ZNF654: variants seen among roughly 807,000 people sequenced by gnomAD.
The protein encoded by ZNF654 is zinc finger protein 654.
In ZNF654, 19 loss-of-function variants were observed where a neutral mutation model predicts 95.3. The ratio of observed to expected loss-of-function variants is 0.20; its 90% CI spans 0.14 to 0.29. ZNF654 has a LOEUF of 0.29. ZNF654 is among the 10% of genes least tolerant of loss of function. The pLI is 1.00. For missense variants in ZNF654, 1,046 were observed against 1,341.0 expected (o/e 0.78, Z 3.44); for synonymous variants, 413 against 457.9 (o/e 0.90, Z 1.25).
chr3:88,101,356 T>C (rs1488376835), intron 2 of ZNF654, among the ~76,000 whole-genome samples: 1 of 152,156 alleles, frequency 6.6e-6, no homozygotes, highest in Non-Finnish European at 1.5e-5. Flanking sequence ...AGACATTTCA[T>C]ATAAATGATA....
intron 2 of ZNF654, among the ~76,000 whole-genome samples, chr3:88,112,851 T>A (rs1352997721): frequency 6.6e-6 from 1 of 152,038 alleles, no homozygotes; most frequent in Non-Finnish European, 1.5e-5. Context: ...TTGTATTGCA[T>A]TGTGGTCATT....
intron 2 of ZNF654, among the ~76,000 whole-genome samples, chr3:88,101,366 A>G (rs748433570): frequency 1.3e-5 from 2 of 152,170 alleles, no homozygotes; most frequent in Non-Finnish European, 2.9e-5. Flanking sequence ...TATAAATGAT[A>G]TCATAGAATA....
intron 4 of ZNF654, among the ~76,000 whole-genome samples, chr3:88,127,093 A>C (rs1706153240): frequency 6.6e-6 from 1 of 152,214 alleles, no homozygotes; most frequent in African/African-American, 2.4e-5. Context: ...AACAGTGAAT[A>C]AGCACTAAAG....
rs780741381 is a variant in ZNF654, at chr3:88,126,275, T to C, written c.550+6T>C. ...GCCAGCATCTCAGGAGATAGGTACT[T>C]CAGGAGATTCAAAATCAAACCAACA... On this transcript the variant is annotated splice_donor_region_variant and intron_variant, in intron 4 of 8. Coordinates refer to ENST00000636215, the MANE Select transcript of ZNF654 (RefSeq NM_001350134.2). 3.9e-5 allele frequency: 57 copies of C among 1,476,242 alleles called. No homozygotes were observed. Among genetic ancestry groups the C allele is most frequent in the Non-Finnish European group, 4.9e-5 (55 of 1,116,776 alleles). 91.4% of individuals were successfully genotyped at this position (1,476,242 alleles called of 1,614,324 possible).
Position 88,135,104 on chromosome 3 carries a change from C to T in ZNF654, c.937C>T (p.Pro313Ser). The change falls in exon 7 of 9, where the codon CCT becomes TCT. Residue 313 changes from proline to serine, a missense_variant. Around this residue, in one of 9 missense-constraint regions of ZNF654, gnomAD observed 121 missense variants for 141.7 expected, o/e 0.85. Transcript: ENST00000636215. ...GAGTAAACTACAGCTTAAATCTAAT[C>T]CTTCAAAACAAGTTTTTGTAGATCA... The part of the protein sequence containing the change: ...IWSKLQLKSN[P>S]SKQVFVDQCY... 2 of 1,475,186 alleles carry T rather than the reference C, an allele frequency of 1.4e-6. No individual in the cohort carries two copies. The highest frequency in any genetic ancestry group is 1.8e-6 in the Non-Finnish European group (2 of 1,120,608). 91.4% of individuals were successfully genotyped at this position (1,475,186 alleles called of 1,614,324 possible).
At position 88,059,579 on chromosome 3, in the gene ZNF654, C is replaced by G. The variant is rs143133461; in HGVS notation, c.186+74C>G. The G allele has an allele frequency of 1.4e-3, 1,998 of 1,441,808 alleles. 25 individuals are homozygous for G. In the African/African-American group the frequency reaches 0.025, roughly 18 times the overall value. The allele number at this position is 1,441,808 out of a possible 1,614,324, so 89.3% of individuals were successfully genotyped here. A position where few individuals can be genotyped will look rare whatever the true frequency, so the allele number is the denominator to read the frequency against. On this transcript the variant is annotated intron_variant, in intron 1 of 8. Coordinates refer to ENST00000636215, the MANE Select transcript of ZNF654 (RefSeq NM_001350134.2). ...CTCTGCGTCTCCTGGTCTTCTCGTC[C>G]ATGAATCTGGTCTATGTCCAGTGCC...
chr3:88,124,704 CAG>C (rs994975786), intron 3 of ZNF654, among the ~76,000 whole-genome samples: 2 of 151,074 alleles, frequency 1.3e-5, no homozygotes, highest in Admixed American at 6.6e-5. Context: ...TTTTTAATAT[CAG>C]AGATTTTGTG....
At chr3:88,122,282 G>C (rs1393310273) in intron 3 of ZNF654, among the ~76,000 whole-genome samples, 6 of 152,148 alleles carry the variant, frequency 3.9e-5, no homozygotes. Flanking sequence ...CTGAAGAAAA[G>C]AATACATGAT....
chr3:88,101,133 G>A (rs764328551), intron 2 of ZNF654, among the ~76,000 whole-genome samples: 1 of 152,038 alleles, frequency 6.6e-6, no homozygotes, highest in East Asian at 1.9e-4. Context: ...TTATTAAAAA[G>A]TATAAAATCC....
At chr3:88,135,677 G>A (rs770252551) in intron 7 of ZNF654, among the ~76,000 whole-genome samples, 1 of 152,050 alleles carries the variant, frequency 6.6e-6, no homozygotes, top group Admixed American at 6.6e-5. Context: ...GTAAAAATGT[G>A]TTACCTCTTT....
intron 2 of ZNF654, 42 bp downstream of exon 2, chr3:88,086,444 ATG>A: frequency 7.1e-7 from 1 of 1,405,680 alleles, no homozygotes; most frequent in African/African-American, 1.4e-5. Context: ...ATTTTTCTTG[ATG>A]TGTTTGAGAA....
intron 2 of ZNF654, among the ~76,000 whole-genome samples, chr3:88,088,724 GT>G (rs1708466170): frequency 2.0e-5 from 1 of 51,224 alleles, no homozygotes; most frequent in East Asian, 7.9e-4. Context: ...GAGTGAGGCA[GT>G]TTAAAAAAAA....
intron 2 of ZNF654, among the ~76,000 whole-genome samples, chr3:88,096,314 A>G (rs1704055811): frequency 6.6e-6 from 1 of 152,110 alleles, no homozygotes; most frequent in South Asian, 2.1e-4. Flanking sequence ...AGAAAGTATT[A>G]CTAGAGCCCA....
chr3:88,139,504 A>C lies in ZNF654; in HGVS notation c.1835A>C (p.Glu612Ala). 6.2e-7 allele frequency: 1 copy of C among 1,613,534 alleles called. No individual in the cohort carries two copies. The highest frequency in any genetic ancestry group is 8.5e-7 in the Non-Finnish European group (1 of 1,179,704). ...QIAAAQQDDQ[E>A]VTALEEINCS... ...GCTGCAGCTCAACAGGATGATCAGGAAGTCACTGCTTTGGAAGAAATAAAT... is the reference window on the plus strand; with the variant it reads ...GCTGCAGCTCAACAGGATGATCAGGCAGTCACTGCTTTGGAAGAAATAAAT... The change falls in exon 8 of 9, where the codon GAA (glutamate) becomes GCA (alanine). Residue 612 changes from glutamate to alanine, a missense_variant. Physicochemically the swap from Glu to Ala is moderately radical, Grantham distance 107 (BLOSUM62 -1). Around this residue, in one of 9 missense-constraint regions of ZNF654, gnomAD observed 495 missense variants for 537.0 expected, o/e 0.92. Transcript: ENST00000636215.
intron 2 of ZNF654, among the ~76,000 whole-genome samples, chr3:88,105,325 C>T (rs1288083840): frequency 6.6e-6 from 1 of 152,126 alleles, no homozygotes; most frequent in African/African-American, 2.4e-5. Flanking sequence ...GATCATTCCA[C>T]AGTGATACAG....
intron 3 of ZNF654, among the ~76,000 whole-genome samples, chr3:88,118,752 T>C (rs1224759713): frequency 6.6e-6 from 1 of 152,202 alleles, no homozygotes; most frequent in Non-Finnish European, 1.5e-5. Context: ...AAAACTGTGC[T>C]ACCATATTTT....
At chr3:88,084,727 T>C (rs1708249687) in intron 1 of ZNF654, among the ~76,000 whole-genome samples, 2 of 152,282 alleles carry the variant, frequency 1.3e-5, no homozygotes, top group South Asian at 2.1e-4. Context: ...TACACGAAAC[T>C]CTTGAGTCAG....
intron 1 of ZNF654, 25 bp from the exon 2 acceptor site, chr3:88,086,232 A>G (rs1708330514): frequency 5.3e-6 from 8 of 1,519,322 alleles, no homozygotes; most frequent in Non-Finnish European, 7.0e-6. Context: ...TTTCTATAGT[A>G]ATGTCTGGAT....
chr3:88,088,660 A>G (rs1192046001), intron 2 of ZNF654, among the ~76,000 whole-genome samples: 1 of 152,120 alleles, frequency 6.6e-6, no homozygotes, highest in Non-Finnish European at 1.5e-5. Flanking sequence ...ATTTGTATAT[A>G]TTTGAAATTG....
Sources: allele counts gnomAD v4.1 joint callset (sites outside exome capture counted in the v4.1 genomes callset), GRCh38; gene constraint gnomAD v4.1.1; regional missense constraint gnomAD v4.1.1; transcripts MANE v1.5; gene names NCBI Gene and HGNC (gene_info 2026-07-23, HGNC 2026-07-21).